CAMTA1: variants seen among roughly 807,000 people sequenced by gnomAD.
CAMTA1 encodes the protein calmodulin binding transcription activator 1, also known as calmodulin-binding transcription activator 1.
Under a neutral mutation model 170.9 loss-of-function variants are expected in CAMTA1, and 27 were observed. The ratio of observed to expected loss-of-function variants is 0.16; its 90% CI spans 0.12 to 0.22. CAMTA1 has a LOEUF of 0.22. CAMTA1 is among the 10% of genes least tolerant of loss of function. The pLI, the probability that CAMTA1 is intolerant of heterozygous loss-of-function variation, is 1.00. For synonymous variants in CAMTA1, 833 were observed against 891.5 expected (o/e 0.93, Z 1.17); for missense variants, 1,619 against 2,217.2 (o/e 0.73, Z 5.42).
intron 7 of CAMTA1, among the ~76,000 whole-genome samples, chr1:7,658,978 T>C (rs1432300563): frequency 1.3e-5 from 2 of 152,180 alleles, no homozygotes; most frequent in Non-Finnish European, 2.9e-5. Context: ...GTTCTGAACA[T>C]GGCGGCTTGG....
At chr1:7,717,689 C>T (rs1336031255) in intron 11 of CAMTA1, among the ~76,000 whole-genome samples, 1 of 151,898 alleles carries the variant, frequency 6.6e-6, no homozygotes. Flanking sequence ...GTTTGCACCA[C>T]TGCACTCCAG....
At chr1:6,793,090 C>G (rs903985987) in intron 1 of CAMTA1, among the ~76,000 whole-genome samples, 16 of 151,936 alleles carry the variant, frequency 1.1e-4, no homozygotes, top group African/African-American at 3.9e-4. Context: ...TTATATATAT[C>G]TCCCCTACCT....
At chr1:7,310,191 G>A (rs144583662) in intron 5 of CAMTA1, among the ~76,000 whole-genome samples, 2 of 152,272 alleles carry the variant, frequency 1.3e-5, no homozygotes, top group East Asian at 1.9e-4. Flanking sequence ...TATTTTTGCC[G>A]AATCTAGAAT....
chr1:7,560,773 A>G (rs1391207390), intron 6 of CAMTA1, among the ~76,000 whole-genome samples: 2 of 152,058 alleles, frequency 1.3e-5, no homozygotes, highest in Non-Finnish European at 2.9e-5. Flanking sequence ...TGCCATCAGC[A>G]AAGAGCATCA....
intron 3 of CAMTA1, among the ~76,000 whole-genome samples, chr1:7,083,587 G>A (rs1335713148): frequency 2.0e-5 from 3 of 152,198 alleles, no homozygotes; most frequent in Non-Finnish European, 4.4e-5. Context: ...GGGAGGGCCC[G>A]TCGGCTTCAT....
At chr1:6,871,894 T>A (rs2148993363) in intron 3 of CAMTA1, 1 of 1,403,210 alleles carries the variant, frequency 7.1e-7, no homozygotes, top group East Asian at 2.7e-5. Flanking sequence ...GTGTACAAGC[T>A]GTAACATTTC....
intron 4 of CAMTA1, among the ~76,000 whole-genome samples, chr1:7,219,115 A>G (rs955744042): frequency 6.6e-6 from 1 of 152,204 alleles, no homozygotes; most frequent in African/African-American, 2.4e-5. Flanking sequence ...TCTCTTACGA[A>G]GGTGAAGTGT....
intron 6 of CAMTA1, among the ~76,000 whole-genome samples, chr1:7,493,117 C>T (rs551100047): frequency 7.4e-5 from 10 of 134,882 alleles, no homozygotes; most frequent in South Asian, 4.9e-4. Context: ...CATACACACA[C>T]GCGCACACAC....
intron 3 of CAMTA1, among the ~76,000 whole-genome samples, chr1:7,082,599 C>G (rs1329909879): frequency 6.6e-6 from 1 of 152,206 alleles, no homozygotes; most frequent in African/African-American, 2.4e-5. Flanking sequence ...GTGCCTCCCC[C>G]TCCACCTGGC....
At position 6,830,932 on chromosome 1, in the gene CAMTA1, C is replaced by T. The variant is rs192442741; in HGVS notation, c.234+5722C>T. On this transcript the variant is annotated intron_variant, in intron 3 of 22. Transcript: ENST00000303635. ...CTCCCAAGTTCACGCTGTTCTCCTGCCTTAGCCTCCTGAGTAGCTGGGACT... is the reference window on the plus strand; with the variant it reads ...CTCCCAAGTTCACGCTGTTCTCCTGTCTTAGCCTCCTGAGTAGCTGGGACT... Among the ~76,000 whole-genome samples the T allele has an allele frequency of 3.4e-3, 516 of 152,180 alleles. 2 individuals are homozygous for T. The highest frequency in any genetic ancestry group is 4.8e-3 in the Non-Finnish European group (328 of 68,016).
At chr1:7,572,819 G>C (rs1050575553) in intron 6 of CAMTA1, among the ~76,000 whole-genome samples, 1 of 152,188 alleles carries the variant, frequency 6.6e-6, no homozygotes, top group South Asian at 2.1e-4. Context: ...AAAGACAGAA[G>C]GGAAATGGAA....
chr1:7,691,441 G>A (rs1453553516), intron 11 of CAMTA1, among the ~76,000 whole-genome samples: 1 of 152,182 alleles, frequency 6.6e-6, no homozygotes, highest in Non-Finnish European at 1.5e-5. Flanking sequence ...AAGCGCACAT[G>A]GCAGCCACAT....
intron 3 of CAMTA1, among the ~76,000 whole-genome samples, chr1:7,061,015 T>A (rs1708123589): frequency 6.6e-6 from 1 of 152,152 alleles, no homozygotes; most frequent in Non-Finnish European, 1.5e-5. Context: ...TCTCAATTTA[T>A]TTTCAGGTCA....
chr1:7,198,007 C>T (rs2148989955), intron 4 of CAMTA1, among the ~76,000 whole-genome samples: 1 of 152,112 alleles, frequency 6.6e-6, no homozygotes, highest in Middle Eastern at 3.4e-3. Flanking sequence ...CTCTCAGCTG[C>T]CCACACAGGG....
rs2096179475 is a variant in CAMTA1 at position 7,680,413 on chromosome 1, A to C, written c.2914+2680A>C. Reference sequence around the variant, plus strand: ...GCGCCAGGGGACTGCAGCGCGGAGCAAACTGGGGCACGGCTGCCGGCGGCG... The same window carrying C: ...GCGCCAGGGGACTGCAGCGCGGAGCCAACTGGGGCACGGCTGCCGGCGGCG... On this transcript the variant is annotated intron_variant, in intron 11 of 22. Transcript: ENST00000303635. The surrounding 1 kb of genome is among the most constrained non-coding windows in gnomAD (Gnocchi z 4.4). 6.6e-6 allele frequency among the ~76,000 whole-genome samples: 1 copy of C among 152,020 alleles called. No homozygotes were observed. Among genetic ancestry groups the C allele is most frequent in the African/African-American group, 2.4e-5 (1 of 41,416 alleles).
intron 4 of CAMTA1, among the ~76,000 whole-genome samples, chr1:7,127,188 G>C (rs915358699): frequency 6.8e-6 from 1 of 146,702 alleles, no homozygotes; most frequent in African/African-American, 2.5e-5. Flanking sequence ...GGAATTCTCT[G>C]ATTGTTCAGC....
intron 4 of CAMTA1, among the ~76,000 whole-genome samples, chr1:7,109,421 T>C (rs1643883045): frequency 6.6e-6 from 1 of 152,232 alleles, no homozygotes; most frequent in Non-Finnish European, 1.5e-5. Context: ...CAAAGCATTC[T>C]TGCCTTTCTG....
Position 7,397,115 on chromosome 1 carries a change from C to T in CAMTA1, c.439-70715C>T, listed in dbSNP as rs183079477. Among the ~76,000 whole-genome samples the T allele has an allele frequency of 1.0e-3, 155 of 152,260 alleles. 1 individual carries two copies. The highest frequency in any genetic ancestry group is 1.9e-3 in the Non-Finnish European group (129 of 68,012). ...TGGTAGAACTCAGCAATGAAGTCAT[C>T]AGGTCCTGGACTTTTCTTTGATAGG... On this transcript the variant is annotated intron_variant, in intron 5 of 22. Coordinates refer to ENST00000303635, the MANE Select transcript of CAMTA1 (RefSeq NM_015215.4).
At chr1:6,788,241 A>G (rs1640007076) in intron 1 of CAMTA1, among the ~76,000 whole-genome samples, 1 of 147,544 alleles carries the variant, frequency 6.8e-6, no homozygotes, top group South Asian at 2.3e-4. Flanking sequence ...TCAGCAGGGA[A>G]GTCTTACTCT....
Sources: allele counts gnomAD v4.1 joint callset (sites outside exome capture counted in the v4.1 genomes callset), GRCh38; gene constraint gnomAD v4.1.1; non-coding constraint Gnocchi (gnomAD v3.1); transcripts MANE v1.5; gene names NCBI Gene and HGNC (gene_info 2026-07-23, HGNC 2026-07-21).